Variants in MIA2 observed in about 807,000 individuals in gnomAD.
MIA2 encodes melanoma inhibitory activity protein 2.
In MIA2, 127 loss-of-function variants were observed where a neutral mutation model predicts 167.8. That is an observed-to-expected ratio of 0.76 (90% confidence interval 0.66 to 0.88). The LOEUF (loss-of-function observed/expected upper bound fraction) is 0.88, where lower values mean the gene tolerates loss of function less well. MIA2 is among the 40% of genes least tolerant of loss of function. The pLI, the probability that MIA2 is intolerant of heterozygous loss-of-function variation, is 0.00. For missense variants in MIA2, 1,690 were observed against 1,624.7 expected (o/e 1.04, Z -0.69); for synonymous variants, 552 against 541.9 (o/e 1.02, Z -0.26).
chr14:39,267,594 C>G (rs1369096111), intron 6 of MIA2: 8 of 1,574,980 alleles, frequency 5.1e-6, no homozygotes, highest in South Asian at 1.1e-5. Flanking sequence ...AAGCAGTAGA[C>G]CGGCTTTGGG....
At chr14:39,381,734 C>G (rs1469286462) in intron 23 of MIA2, among the ~76,000 whole-genome samples, 1 of 150,196 alleles carries the variant, frequency 6.7e-6, no homozygotes, top group Non-Finnish European at 1.5e-5. Flanking sequence ...GGCCTTACTC[C>G]TCCTAATTTG....
At chr14:39,317,293 G>A (rs1262540145) in intron 21 of MIA2, among the ~76,000 whole-genome samples, 2 of 152,238 alleles carry the variant, frequency 1.3e-5, no homozygotes, top group African/African-American at 2.4e-5. Context: ...CTTGTCACAC[G>A]CTCCAGAGCT....
At chr14:39,298,787 G>A (rs1012477830) in intron 13 of MIA2, among the ~76,000 whole-genome samples, 6 of 150,684 alleles carry the variant, frequency 4.0e-5, no homozygotes, top group African/African-American at 1.5e-4. Context: ...CAAATATTAT[G>A]AGAATTCCTT....
intron 6 of MIA2, chr14:39,265,719 A>C (rs1187079965): frequency 3.4e-6 from 1 of 290,422 alleles, no homozygotes; most frequent in African/African-American, 2.2e-5. Context: ...CACATTTAAG[A>C]ATTTTTATTG....
At chr14:39,343,533 A>C (rs2072509644) in intron 25 of MIA2, among the ~76,000 whole-genome samples, 1 of 152,180 alleles carries the variant, frequency 6.6e-6, no homozygotes, top group Non-Finnish European at 1.5e-5. Flanking sequence ...TCTGCAGTAT[A>C]ATTCTTAGTT....
In MIA2 at chr14:39,295,011, T is replaced by G; in HGVS notation, c.2478T>G (p.Leu826=). ...IKDALNENSQ[L]QESQKQLLQE... is the part of the protein sequence containing the mutation. ...ATGCTTTGAATGAAAATTCTCAACTTCAGGAAAGCCAGAAACAGGTTTGTG... is the reference window on the plus strand; with the variant it reads ...ATGCTTTGAATGAAAATTCTCAACTGCAGGAAAGCCAGAAACAGGTTTGTG... The change falls in exon 13 of 29, where the codon CTT becomes CTG. Residue 826 remains leucine (L), a synonymous_variant. Transcript: ENST00000640607. 6.2e-7 allele frequency: 1 copy of G among 1,612,086 alleles called. No homozygotes were observed. The highest frequency in any genetic ancestry group is 1.1e-5 in the South Asian group (1 of 91,024).
intron 6 of MIA2, among the ~76,000 whole-genome samples, chr14:39,258,952 G>C (rs961572561): frequency 1.3e-5 from 2 of 152,212 alleles, no homozygotes; most frequent in Non-Finnish European, 2.9e-5. Flanking sequence ...CCTTCCTTTG[G>C]ACACTTCATC....
At chr14:39,276,770 C>A in intron 6 of MIA2, 164 bp from the exon 7 acceptor site, 1 of 633,818 alleles carries the variant, frequency 1.6e-6, no homozygotes, top group Non-Finnish European at 2.7e-6. Flanking sequence ...CTTTACTTGG[C>A]GATAGTGATT....
At chr14:39,383,808 C>G (rs2075216769) in intron 23 of MIA2, among the ~76,000 whole-genome samples, 1 of 152,160 alleles carries the variant, frequency 6.6e-6, no homozygotes. Context: ...AACATCTAAT[C>G]CAGAGCAAAG....
chr14:39,358,550 C>T (rs1201503652), intron 23 of MIA2, among the ~76,000 whole-genome samples: 1 of 152,162 alleles, frequency 6.6e-6, no homozygotes, highest in Non-Finnish European at 1.5e-5. Context: ...CTTCTCTCAA[C>T]CCGTTAAAGT....
chr14:39,307,742 A>C (rs933266564), intron 17 of MIA2, among the ~76,000 whole-genome samples: 1 of 152,058 alleles, frequency 6.6e-6, no homozygotes, highest in Non-Finnish European at 1.5e-5. Flanking sequence ...TCAGATATTA[A>C]TGCACTCAAT....
chr14:39,245,490 G>C (rs1366287447), intron 3 of MIA2, among the ~76,000 whole-genome samples: 2 of 152,194 alleles, frequency 1.3e-5, no homozygotes, highest in African/African-American at 4.8e-5. Flanking sequence ...GTAAGCTGCA[G>C]GTTGGACAAG....
rs1566577598 is a variant in MIA2 at position 39,234,181 on chromosome 14, A to G, written c.67A>G (p.Thr23Ala). 3 of 1,610,494 alleles carry G rather than the reference A, an allele frequency of 1.9e-6. No homozygotes were observed. Among genetic ancestry groups the G allele is most frequent in the Non-Finnish European group, 2.5e-6 (3 of 1,178,676 alleles). The part of the protein sequence containing the change: ...AISLTKCLES[T>A]KLLADLKKCG... ...TTCTCTGACAAAGTGTCTGGAGAGT[A>G]CAAAACTGCTGGCAGACCTTAAAAA... The change falls in exon 1 of 29, where the codon ACA (threonine) becomes GCA (alanine). Residue 23 changes from threonine to alanine, a missense_variant. Physicochemically the swap from Thr to Ala is moderately conservative, Grantham distance 58. Coordinates refer to ENST00000640607, the MANE Select transcript of MIA2 (RefSeq NM_001329214.4).
chr14:39,307,390 A>ATT lies in MIA2; in HGVS notation c.2879-1032_2879-1031dup, dbSNP rs373046158. Reference sequence around the variant, plus strand: ...ATAAATAATAACAAAAGTTAAAAGAATTTTTTTTTTTTTTTTTTTTTTTTT... The same window carrying ATT: ...ATAAATAATAACAAAAGTTAAAAGAATTTTTTTTTTTTTTTTTTTTTTTTTTT... On this transcript the variant is annotated intron_variant, in intron 17 of 28. Transcript: ENST00000640607. Among the ~76,000 whole-genome samples, 145 of 67,522 alleles carry ATT rather than the reference A, an allele frequency of 2.1e-3. 7 individuals carry two copies. Among genetic ancestry groups the ATT allele is most frequent in the African/African-American group, 6.6e-3 (135 of 20,482 alleles). The allele number at this position is 67,522 out of a possible 152,430, so 44.3% of individuals were successfully genotyped here.
At chr14:39,288,473 A>T (rs1473585241) in intron 9 of MIA2, among the ~76,000 whole-genome samples, 42,465 of 51,284 alleles carry the variant, frequency 0.83, 17,174 homozygotes, top group Non-Finnish European at 0.85. Flanking sequence ...ATATATATAT[A>T]TATTTTTTTT....
At chr14:39,290,138 C>A (rs1332729752) in intron 9 of MIA2, among the ~76,000 whole-genome samples, 1 of 152,130 alleles carries the variant, frequency 6.6e-6, no homozygotes, top group Non-Finnish European at 1.5e-5. Flanking sequence ...CTTGGCAGGT[C>A]CTGAACTCCA....
Position 39,266,771 on chromosome 14 carries a change from A to C in MIA2, c.1888-10163A>C, listed in dbSNP as rs923854873. 4.1e-6 allele frequency: 4 copies of C among 977,950 alleles called. No individual in the cohort carries two copies. The African/African-American group carries it at 7.3e-5, about 18-fold the overall frequency. 60.6% of individuals were successfully genotyped at this position (977,950 alleles called of 1,614,324 possible). On this transcript the variant is annotated intron_variant, in intron 6 of 28. Coordinates refer to ENST00000640607, the MANE Select transcript of MIA2 (RefSeq NM_001329214.4). ...AGGACTTCTGCAGGGCGCAGACAGC[A>C]GGCTCCAGCGAGGCTGCGGAAGGAA...
chr14:39,265,252 C>A, intron 6 of MIA2: 3 of 694,766 alleles, frequency 4.3e-6, no homozygotes, highest in East Asian at 2.9e-5. Flanking sequence ...ACCCCTTTAC[C>A]ACACAAATGT....
intron 9 of MIA2, among the ~76,000 whole-genome samples, chr14:39,288,066 C>T (rs1160451917): frequency 3.3e-5 from 5 of 152,072 alleles, no homozygotes; most frequent in Admixed American, 6.5e-5. Context: ...AGGCTGGTCT[C>T]GAACTCCTCG....
Sources: gnomAD v4.1 joint callset for allele counts (sites outside exome capture counted in the v4.1 genomes callset) on GRCh38, gnomAD v4.1.1 for gene constraint, MANE v1.5 for transcripts, NCBI Gene and HGNC (gene_info 2026-07-23, HGNC 2026-07-21) for gene names.